The following CCSER1 variants were observed in gnomAD, a reference collection of about 807,000 sequenced individuals.
The protein encoded by CCSER1 is coiled-coil serine rich protein 1.
In CCSER1, 41 loss-of-function variants were observed where a neutral mutation model predicts 82.0. That is an observed-to-expected ratio of 0.50 (90% confidence interval 0.39 to 0.65). The LOEUF is 0.65. Ranked by LOEUF, CCSER1 falls within the 30% of genes least tolerant of loss-of-function variation. The pLI is 0.00. For synonymous variants in CCSER1, 414 were observed against 383.9 expected, an observed-to-expected ratio of 1.08 and a Z score of -0.92; for missense variants, 1,119 against 1,064.2, an observed-to-expected ratio of 1.05 and a Z score of -0.72.
chr4:90,341,039 A>ATATTT (rs1741282857), intron 3 of CCSER1, among the ~76,000 whole-genome samples: 1 of 152,158 alleles, frequency 6.6e-6, no homozygotes, highest in East Asian at 1.9e-4. Flanking sequence ...TTCGCTGTAA[A>ATATTT]GAGAGCTGTG....
At chr4:90,492,356 T>A (rs909245232) in intron 5 of CCSER1, among the ~76,000 whole-genome samples, 6 of 152,204 alleles carry the variant, frequency 3.9e-5, no homozygotes, top group African/African-American at 1.4e-4. Context: ...GTGGGATTGG[T>A]GGTTATATCC....
At chr4:90,862,531 A>G (rs774010882) in intron 8 of CCSER1, among the ~76,000 whole-genome samples, 7 of 151,958 alleles carry the variant, frequency 4.6e-5, no homozygotes, top group Non-Finnish European at 7.4e-5. Flanking sequence ...TAAAGACAAC[A>G]GGATGTCACA....
chr4:90,502,219 A>G (rs1048943140), intron 5 of CCSER1, among the ~76,000 whole-genome samples: 5 of 152,170 alleles, frequency 3.3e-5, no homozygotes, highest in Non-Finnish European at 7.3e-5. Flanking sequence ...ATGGCTAGGG[A>G]GACCTCAGGA....
chr4:91,556,294 A>ACTTT (rs34564003), intron 10 of CCSER1, among the ~76,000 whole-genome samples: 101,533 of 150,098 alleles, frequency 0.68, 35,221 homozygotes, highest in African/African-American at 0.81. Context: ...TTATCTGTAA[A>ACTTT]CTGTTAAAAA....
chr4:91,539,332 AGTT>A (rs1293350216), intron 10 of CCSER1, among the ~76,000 whole-genome samples: 3 of 152,060 alleles, frequency 2.0e-5, no homozygotes, highest in South Asian at 4.1e-4. Flanking sequence ...TCCATGATAT[AGTT>A]GTTATTTTTC....
Position 90,690,883 on chromosome 4 carries a change from CCTTT to C in CCSER1, c.1933-33028_1933-33025del, listed in dbSNP as rs201409465. 2.6e-3 allele frequency among the ~76,000 whole-genome samples: 399 copies of C among 152,124 alleles called. 5 individuals are homozygous for C. The highest frequency in any genetic ancestry group is 0.023 in the Admixed American group (346 of 15,220). ...ACAAAGTTGTATGCTTTTATCTGGGCCTTTCTATGTTCTATTTCAAGACATCTGA... is the reference window on the plus strand; with the variant it reads ...ACAAAGTTGTATGCTTTTATCTGGGCCTATGTTCTATTTCAAGACATCTGA... On this transcript the variant is annotated intron_variant, in intron 6 of 10. Transcript: ENST00000509176.
At chr4:91,503,265 C>A (rs1364152937) in intron 10 of CCSER1, among the ~76,000 whole-genome samples, 13 of 151,138 alleles carry the variant, frequency 8.6e-5, no homozygotes, top group Admixed American at 8.6e-4. Context: ...TGGAGTGAAC[C>A]CGGGAGGCGG....
chr4:90,367,812 T>C (rs968029482), intron 3 of CCSER1, among the ~76,000 whole-genome samples: 1 of 151,644 alleles, frequency 6.6e-6, no homozygotes, highest in Non-Finnish European at 1.5e-5. Flanking sequence ...AAGGACAAAC[T>C]AGATGGACAG....
chr4:91,572,809 T>TA (rs568857955), intron 10 of CCSER1, among the ~76,000 whole-genome samples: 1,717 of 115,386 alleles, frequency 0.015, 16 homozygotes, highest in Non-Finnish European at 0.019. Context: ...TAAAAATCTA[T>TA]AAAAAAAAAA....
At chr4:91,218,033 G>T (rs376000983) in intron 10 of CCSER1, among the ~76,000 whole-genome samples, 1 of 152,328 alleles carries the variant, frequency 6.6e-6, no homozygotes, top group East Asian at 1.9e-4. Context: ...GGTGCTTGTC[G>T]GGGAGGCTCC....
At chr4:90,449,256 C>A (rs550337251) in intron 4 of CCSER1, among the ~76,000 whole-genome samples, 29 of 152,322 alleles carry the variant, frequency 1.9e-4, no homozygotes, top group African/African-American at 5.5e-4. Flanking sequence ...CCCAACATTT[C>A]TTTGAGTCTG....
rs1053725189 is a variant in CCSER1 at position 91,605,090 on chromosome 4, T to C, written c.*6033T>C. On this transcript the variant is annotated 3_prime_UTR_variant, in exon 11 of 11. Transcript: ENST00000509176. ...AGTGAGAAAGATAATAAATAGAAAA[T>C]TACCCTGGAAATTAAAATTTTTAGC... is the stretch of plus-strand genomic sequence containing the variant. The C allele has an allele frequency of 6.6e-6, 1 of 152,106 alleles. No individual in the cohort carries two copies. Among genetic ancestry groups the C allele is most frequent in the African/African-American group, 2.4e-5 (1 of 41,552 alleles). 9.4% of individuals were successfully genotyped at this position (152,106 alleles called of 1,614,324 possible).
intron 10 of CCSER1, among the ~76,000 whole-genome samples, chr4:91,280,492 A>G (rs1441202451): frequency 1.3e-5 from 2 of 152,106 alleles, no homozygotes; most frequent in African/African-American, 4.8e-5. Flanking sequence ...GCCCATCCTC[A>G]GGCCTCTGGA....
intron 9 of CCSER1, among the ~76,000 whole-genome samples, chr4:90,966,049 G>A (rs912053446): frequency 1.3e-5 from 2 of 151,988 alleles, no homozygotes; most frequent in Non-Finnish European, 2.9e-5. Context: ...TAGATTCATA[G>A]AGATTATCCA....
At chr4:90,458,603 C>T (rs1308645073) in intron 4 of CCSER1, among the ~76,000 whole-genome samples, 1 of 152,102 alleles carries the variant, frequency 6.6e-6, no homozygotes, top group African/African-American at 2.4e-5. Context: ...GATCCACCCA[C>T]CTCAGCTCCC....
chr4:90,836,254 C>T (rs904316632), intron 8 of CCSER1, among the ~76,000 whole-genome samples: 4 of 152,002 alleles, frequency 2.6e-5, no homozygotes, highest in African/African-American at 9.7e-5. Context: ...TCAGAACAGA[C>T]ATTTAGATCA....
intron 10 of CCSER1, among the ~76,000 whole-genome samples, chr4:91,454,099 T>A (rs555815854): frequency 6.6e-6 from 1 of 152,256 alleles, no homozygotes; most frequent in African/African-American, 2.4e-5. Flanking sequence ...AACATGGAAC[T>A]ATTTTTAATA....
At chr4:91,067,839 T>C (rs1180049462) in intron 9 of CCSER1, among the ~76,000 whole-genome samples, 1 of 152,242 alleles carries the variant, frequency 6.6e-6, no homozygotes, top group Non-Finnish European at 1.5e-5. Flanking sequence ...AGAGAGTAAC[T>C]AGTCCTCTAA....
At chr4:91,147,488 G>A (rs565529788) in intron 10 of CCSER1, among the ~76,000 whole-genome samples, 205 of 152,286 alleles carry the variant, frequency 1.3e-3, no homozygotes, top group Non-Finnish European at 2.3e-3. Flanking sequence ...GAGATTCCCC[G>A]CTCCCATGCC....
Sources: allele counts gnomAD v4.1 joint callset (sites outside exome capture counted in the v4.1 genomes callset), GRCh38; gene constraint gnomAD v4.1.1; transcripts MANE v1.5; gene names NCBI Gene and HGNC (gene_info 2026-07-23, HGNC 2026-07-21).